LIMS1: variants seen among roughly 807,000 people sequenced by gnomAD.
The protein encoded by LIMS1 is LIM and senescent cell antigen-like-containing domain protein 1.
In LIMS1, 18 loss-of-function variants were observed where a neutral mutation model predicts 44.1. That is an observed-to-expected ratio of 0.41 (90% CI 0.28 to 0.61). LIMS1 has a LOEUF of 0.61. Among genes scored for constraint, LIMS1 ranks in the 20% least tolerant of loss-of-function variants. LIMS1 has a pLI of 0.32. For missense variants in LIMS1, 201 were observed against 422.0 expected (o/e 0.48, Z 4.59); for synonymous variants, 93 against 149.1 (o/e 0.62, Z 2.74).
At chr2:108,623,693 ACC>A in intron 1 of LIMS1, among the ~76,000 whole-genome samples, 1 of 152,238 alleles carries the variant, frequency 6.6e-6, no homozygotes, top group Non-Finnish European at 1.5e-5. Context: ...GATTTTGAAT[ACC>A]TGTGCTATCA....
intron 1 of LIMS1, among the ~76,000 whole-genome samples, chr2:108,614,225 T>C (rs1687811760): frequency 6.6e-6 from 1 of 152,178 alleles, no homozygotes; most frequent in Non-Finnish European, 1.5e-5. Context: ...GGCAGTCTCA[T>C]CCCCTTGACA....
chr2:108,679,687 C>G (rs1692817427), intron 8 of LIMS1, among the ~76,000 whole-genome samples: 1 of 151,880 alleles, frequency 6.6e-6, no homozygotes. Flanking sequence ...GAGGCCGAGA[C>G]AGGAGAATTT....
intron 1 of LIMS1, among the ~76,000 whole-genome samples, chr2:108,611,273 G>C (rs1007896364): frequency 6.6e-6 from 1 of 152,122 alleles, no homozygotes; most frequent in African/African-American, 2.4e-5. Context: ...AACTAAATTT[G>C]GTAAGTGTAT....
At chr2:108,589,510 T>C (rs990057037) in intron 1 of LIMS1, among the ~76,000 whole-genome samples, 2 of 152,194 alleles carry the variant, frequency 1.3e-5, no homozygotes, top group African/African-American at 4.8e-5. Context: ...CTTTTTCATT[T>C]ACTTCTGTTC....
chr2:108,567,063 A>G lies in LIMS1; in HGVS notation c.32+32469A>G, dbSNP rs138786092. On this transcript the variant is annotated intron_variant, in intron 1 of 9. Coordinates refer to ENST00000544547, the Ensembl canonical transcript of LIMS1. ...CCTGGCAACCACTGTTCTACTTTCAATGTCTATAAATTTGAATACAGCAGA... is the reference window on the plus strand; with the variant it reads ...CCTGGCAACCACTGTTCTACTTTCAGTGTCTATAAATTTGAATACAGCAGA... Among the ~76,000 whole-genome samples, 320 of 152,268 alleles carry G rather than the reference A, an allele frequency of 2.1e-3. 3 individuals carry two copies. The highest frequency in any genetic ancestry group is 7.3e-3 in the African/African-American group (305 of 41,564).
intron 1 of LIMS1, among the ~76,000 whole-genome samples, chr2:108,619,674 A>G (rs1688131929): frequency 6.6e-6 from 1 of 152,026 alleles, no homozygotes; most frequent in Admixed American, 6.6e-5. Context: ...ACAGAGGGAG[A>G]CTCTGTCTCA....
chr2:108,656,473 T>A (rs1485517560), intron 1 of LIMS1, among the ~76,000 whole-genome samples: 3 of 152,370 alleles, frequency 2.0e-5, no homozygotes, highest in South Asian at 2.1e-4. Context: ...ATGACTTTTT[T>A]AAAGTAATTT....
At chr2:108,656,318 T>TAGATAG (rs1558831239) in intron 1 of LIMS1, among the ~76,000 whole-genome samples, 1,106 of 84,252 alleles carry the variant, frequency 0.013, 6 homozygotes, top group African/African-American at 0.016. Flanking sequence ...TCTATCTATC[T>TAGATAG]ATAGATAGAT....
chr2:108,612,121 A>G (rs1441622259), intron 1 of LIMS1, among the ~76,000 whole-genome samples: 1 of 150,378 alleles, frequency 6.6e-6, no homozygotes, highest in Non-Finnish European at 1.5e-5. Flanking sequence ...GGGGTTCTTG[A>G]GATCAGGATT....
rs943801353 is a variant in LIMS1, at chr2:108,534,461, G to A, written c.-102G>A. ...CTGGCCTTCCTCCCCTTCCTGCTCC[G>A]GGCCCGCCAGTAGCCGGCCGCGGCG... On this transcript the variant is annotated 5_prime_UTR_variant, in exon 1 of 10. Transcript: ENST00000544547. 2.1e-6 allele frequency: 2 copies of A among 964,268 alleles called. No homozygotes were observed. Among genetic ancestry groups the A allele is most frequent in the Admixed American group, 5.1e-5 (1 of 19,424 alleles). The allele number at this position is 964,268 out of a possible 1,614,324, so 59.7% of individuals were successfully genotyped here. A position where few individuals can be genotyped will look rare whatever the true frequency, so the allele number is the denominator to read the frequency against.
intron 1 of LIMS1, among the ~76,000 whole-genome samples, chr2:108,578,591 T>TA (rs1332797609): frequency 1.4e-5 from 2 of 141,496 alleles, no homozygotes; most frequent in East Asian, 4.2e-4. Context: ...TAAATAATTT[T>TA]TTTTTTTTTT....
At chr2:108,576,674 C>T (rs1685680653) in intron 1 of LIMS1, among the ~76,000 whole-genome samples, 1 of 152,164 alleles carries the variant, frequency 6.6e-6, no homozygotes, top group Admixed American at 6.5e-5. Context: ...GCTGGGATTA[C>T]AGGTGTGAGC....
At chr2:108,568,420 C>T (rs1558790810) in intron 1 of LIMS1, among the ~76,000 whole-genome samples, 1 of 152,184 alleles carries the variant, frequency 6.6e-6, no homozygotes, top group Non-Finnish European at 1.5e-5. Context: ...TTTTATTTAT[C>T]TATTAATCTG....
chr2:108,652,651 C>CA (rs2148949593), intron 1 of LIMS1, among the ~76,000 whole-genome samples: 1 of 152,212 alleles, frequency 6.6e-6, no homozygotes, highest in East Asian at 1.9e-4. Flanking sequence ...GATGAAATGA[C>CA]AGACACCCGC....
intron 1 of LIMS1, among the ~76,000 whole-genome samples, chr2:108,621,798 G>A (rs999182768): frequency 6.6e-6 from 1 of 151,990 alleles, no homozygotes; most frequent in African/African-American, 2.4e-5. Flanking sequence ...GTTTTCTTTG[G>A]CTGATTGGAA....
At chr2:108,663,214 G>C (rs1003084074) in intron 2 of LIMS1, among the ~76,000 whole-genome samples, 2 of 152,026 alleles carry the variant, frequency 1.3e-5, no homozygotes, top group Admixed American at 6.6e-5. Context: ...GACTTCCTGG[G>C]CTCAAGCAAT....
intron 1 of LIMS1, among the ~76,000 whole-genome samples, chr2:108,608,994 G>A (rs1309065960): frequency 6.6e-6 from 1 of 152,196 alleles, no homozygotes; most frequent in Non-Finnish European, 1.5e-5. Flanking sequence ...GCAGTTGGAC[G>A]GAGGGCACTC....
intron 2 of LIMS1, among the ~76,000 whole-genome samples, chr2:108,668,130 C>T (rs1339245798): frequency 2.0e-5 from 3 of 152,076 alleles, no homozygotes; most frequent in African/African-American, 7.2e-5. Context: ...TACATGTATA[C>T]ATTGTGTAAA....
chr2:108,618,654 A>T lies in LIMS1; in HGVS notation c.33-40951A>T, dbSNP rs558906254. Among the ~76,000 whole-genome samples the T allele has an allele frequency of 2.6e-5, 4 of 152,118 alleles. No homozygotes were observed. In the East Asian group the frequency reaches 7.8e-4, roughly 29 times the overall value. The stretch of plus-strand genomic sequence containing the variant: ...ATCTTGGCCAACATGGTGAAACCCC[A>T]TCTCTACTAAAATACAAAAAATTAG... On this transcript the variant is annotated intron_variant, in intron 1 of 9. Transcript: ENST00000544547.
Sources: gnomAD v4.1 joint callset for allele counts (sites outside exome capture counted in the v4.1 genomes callset) on GRCh38, gnomAD v4.1.1 for gene constraint, MANE v1.5 for transcripts, NCBI Gene and HGNC (gene_info 2026-07-23, HGNC 2026-07-21) for gene names.